ERLIN1: variants seen among roughly 807,000 people sequenced by gnomAD.
ERLIN1 encodes ER lipid raft associated 1, also known as erlin-1.
ERLIN1 carries 24 observed loss-of-function variants against 46.9 expected under a neutral mutation model. The ratio of observed to expected loss-of-function variants is 0.51; its 90% CI spans 0.37 to 0.72. ERLIN1 has a LOEUF of 0.72. Among genes scored for constraint, ERLIN1 ranks in the 30% least tolerant of loss-of-function variants. ERLIN1 has a pLI of 0.00. For missense variants in ERLIN1, 293 were observed against 417.9 expected (o/e 0.70, Z 2.61); for synonymous variants, 158 against 143.2 (o/e 1.10, Z -0.74).
Position 100,151,954 on chromosome 10 carries a change from T to C in ERLIN1, c.*177A>G, listed in dbSNP as rs1409220951. On this transcript the variant is annotated 3_prime_UTR_variant, in exon 11 of 11. Coordinates refer to ENST00000421367, the MANE Select transcript of ERLIN1 (RefSeq NM_006459.4). ...ATAAGACTGTGGCTGAAAAGACCAT[T>C]TGTGTGTCAGACAGCTGGCTCTATC... is the stretch of plus-strand genomic sequence containing the variant. 3.0e-6 allele frequency: 2 copies of C among 669,408 alleles called. No homozygotes were observed. Among genetic ancestry groups the C allele is most frequent in the African/African-American group, 3.6e-5 (2 of 56,180 alleles). The allele number at this position is 669,408 out of a possible 1,614,324, so 41.5% of individuals were successfully genotyped here. A position where few individuals can be genotyped will look rare whatever the true frequency, so the allele number is the denominator to read the frequency against.
At chr10:100,153,220 A>G (rs147466122) in intron 10 of ERLIN1, among the ~76,000 whole-genome samples, 2 of 152,342 alleles carry the variant, frequency 1.3e-5, no homozygotes, top group East Asian at 1.9e-4. Flanking sequence ...TGTGACAGAC[A>G]GATGTTTGTC....
chr10:100,183,209 T>C (rs992111674), intron 2 of ERLIN1, among the ~76,000 whole-genome samples: 2 of 152,224 alleles, frequency 1.3e-5, no homozygotes, highest in Non-Finnish European at 2.9e-5. Context: ...TTGTCTCCCA[T>C]GGCCAAGACA....
At chr10:100,161,615 T>C (rs974354188) in intron 8 of ERLIN1, among the ~76,000 whole-genome samples, 5 of 152,162 alleles carry the variant, frequency 3.3e-5, no homozygotes, top group African/African-American at 1.2e-4. Context: ...ATTTTAAATA[T>C]AGTTAGGAAT....
At chr10:100,173,360 G>GTAAGAAACACATTTT (rs1844110790) in intron 6 of ERLIN1, among the ~76,000 whole-genome samples, 1 of 152,122 alleles carries the variant, frequency 6.6e-6, no homozygotes, top group African/African-American at 2.4e-5. Flanking sequence ...AGTGGACACA[G>GTAAGAAACACATTTT]TAAGAAACAC....
intron 8 of ERLIN1, among the ~76,000 whole-genome samples, chr10:100,156,804 A>G (rs1049116954): frequency 6.6e-6 from 1 of 152,064 alleles, no homozygotes; most frequent in Non-Finnish European, 1.5e-5. Flanking sequence ...CTTAAGCCCA[A>G]GAGTTCAAGA....
In ERLIN1 at chr10:100,185,752, C is replaced by G; in HGVS notation, c.-126G>C. On this transcript the variant is annotated 5_prime_UTR_variant, in exon 1 of 11. Coordinates refer to ENST00000421367, the MANE Select transcript of ERLIN1 (RefSeq NM_006459.4). ...CTCTCGCAGGCTGAGCCGGGGAGTC[C>G]AGTACCCCTGTCCCCTCATTCTTCC... The G allele has an allele frequency of 2.8e-6, 2 of 725,134 alleles. No individual in the cohort carries two copies. The highest frequency in any genetic ancestry group is 4.9e-6 in the Non-Finnish European group (2 of 409,184). 44.9% of individuals were successfully genotyped at this position (725,134 alleles called of 1,614,324 possible).
chr10:100,174,770 TCACTGTTATTTTGGA>T (rs1844195620), intron 5 of ERLIN1, among the ~76,000 whole-genome samples: 1 of 152,162 alleles, frequency 6.6e-6, no homozygotes, highest in Non-Finnish European at 1.5e-5. Flanking sequence ...GATCTCAGCC[TCACTGTTATTTTGGA>T]TTTAAAGAGA....
At position 100,151,314 on chromosome 10, in the gene ERLIN1, A is replaced by T. The variant is rs1842790845; in HGVS notation, c.*817T>A. 6.5e-6 allele frequency: 1 copy of T among 152,724 alleles called. No individual in the cohort carries two copies. Among genetic ancestry groups the T allele is most frequent in the African/African-American group, 2.4e-5 (1 of 41,440 alleles). The allele number at this position is 152,724 out of a possible 1,614,324, so 9.5% of individuals were successfully genotyped here. The stretch of plus-strand genomic sequence containing the variant: ...ATACAAGGAGGTGGCTGTGGCTAAA[A>T]CCAGGTACCTTAGTCAAGCATGGCC... On this transcript the variant is annotated 3_prime_UTR_variant, in exon 11 of 11. Transcript: ENST00000421367.
chr10:100,185,606 C>T lies in ERLIN1; in HGVS notation c.21G>A (p.Arg7=), dbSNP rs770244181. ...ACCCCACCACTGCAGCCACCAGAAC[C>T]CGGGCTTGAGTCATATTCATTCTCG... is the stretch of plus-strand genomic sequence containing the variant. The part of the protein sequence containing the change: MNMTQA[R]VLVAAVVGLV... Residue 7 remains arginine (R), a synonymous_variant, in exon 1 of 11, where the codon CGG becomes CGA. Coordinates refer to ENST00000421367, the MANE Select transcript of ERLIN1 (RefSeq NM_006459.4). The T allele has an allele frequency of 3.7e-6, 6 of 1,613,922 alleles. No individual in the cohort carries two copies. In the African/African-American group the frequency reaches 6.7e-5, roughly 18 times the overall value.
chr10:100,175,289 T>C (rs1844226464), intron 5 of ERLIN1, among the ~76,000 whole-genome samples: 1 of 152,244 alleles, frequency 6.6e-6, no homozygotes, highest in Non-Finnish European at 1.5e-5. Flanking sequence ...TGCTGTGAAC[T>C]GTTTATACAA....
rs775740530 is a variant in ERLIN1, at chr10:100,185,607, C to G, written c.20G>C (p.Arg7Pro). The change falls in exon 1 of 11, where the codon CGG (arginine) becomes CCG (proline). Residue 7 changes from arginine (R) to proline (P), a missense_variant. Transcript: ENST00000421367. ...CCCCACCACTGCAGCCACCAGAACC[C>G]GGGCTTGAGTCATATTCATTCTCGT... Reference protein sequence around the residue: MNMTQARVLVAAVVGLV... With the variant: MNMTQAPVLVAAVVGLV... 2 of 1,613,996 alleles carry G rather than the reference C, an allele frequency of 1.2e-6. No individual in the cohort carries two copies. Among genetic ancestry groups the G allele is most frequent in the Non-Finnish European group, 1.7e-6 (2 of 1,179,846 alleles).
rs1385692041 is a variant in ERLIN1, at chr10:100,179,195, GCTTA to G, written c.242+2_242+5del. The G allele has an allele frequency of 6.3e-7, 1 of 1,590,380 alleles. No homozygotes were observed. The highest frequency in any genetic ancestry group is 1.3e-5 in the African/African-American group (1 of 74,720). On this transcript the variant is annotated splice_donor_variant and splice_donor_5th_base_variant and intron_variant, in intron 3 of 10. Coordinates refer to ENST00000421367, the MANE Select transcript of ERLIN1 (RefSeq NM_006459.4). LOFTEE classifies it high-confidence loss of function. ...AGGGAGGCTCGTAGGCAAAGAGAAA[GCTTA>G]CCTTGTTCCACAAGGCACATTTTTA...
At chr10:100,169,788 T>C (rs1306230170) in intron 6 of ERLIN1, among the ~76,000 whole-genome samples, 3 of 152,126 alleles carry the variant, frequency 2.0e-5, no homozygotes, top group East Asian at 1.9e-4. Context: ...TTAACTTATA[T>C]TGGAGGATTG....
At chr10:100,179,678 A>C (rs1251047815) in intron 2 of ERLIN1, among the ~76,000 whole-genome samples, 2 of 152,132 alleles carry the variant, frequency 1.3e-5, no homozygotes, top group South Asian at 2.1e-4. Flanking sequence ...GCTGGTCTTG[A>C]ACTCCTGGCC....
chr10:100,176,150 G>C, intron 4 of ERLIN1, 80 bp from the exon 5 acceptor site: 1 of 1,301,832 alleles, frequency 7.7e-7, no homozygotes, highest in Non-Finnish European at 1.0e-6. Flanking sequence ...GTAAAAGTCA[G>C]GGTGATATAT....
At chr10:100,172,279 T>G (rs943369062) in intron 6 of ERLIN1, among the ~76,000 whole-genome samples, 1 of 152,248 alleles carries the variant, frequency 6.6e-6, no homozygotes, top group South Asian at 2.1e-4. Context: ...TAGTTGAGCA[T>G]GTATGCATTT....
intron 7 of ERLIN1, among the ~76,000 whole-genome samples, 180 bp downstream of exon 7, chr10:100,167,168 A>G (rs1455397261): frequency 6.6e-6 from 1 of 152,238 alleles, no homozygotes; most frequent in Non-Finnish European, 1.5e-5. Context: ...AGAGAACACT[A>G]GTAAGAGTCT....
At chr10:100,178,592 G>A (rs1037775741) in intron 3 of ERLIN1, among the ~76,000 whole-genome samples, 2 of 152,104 alleles carry the variant, frequency 1.3e-5, no homozygotes, top group African/African-American at 2.4e-5. Flanking sequence ...GCAAATTCTC[G>A]GGCCTCACCC....
chr10:100,169,961 T>C (rs1056709104), intron 6 of ERLIN1, among the ~76,000 whole-genome samples: 1 of 152,016 alleles, frequency 6.6e-6, no homozygotes, highest in African/African-American at 2.4e-5. Context: ...AAGGCTGCAG[T>C]GACCTATGAT....
Sources: allele counts gnomAD v4.1 joint callset (sites outside exome capture counted in the v4.1 genomes callset), GRCh38; gene constraint gnomAD v4.1.1; transcripts MANE v1.5; gene names NCBI Gene and HGNC (gene_info 2026-07-23, HGNC 2026-07-21).